The following SLC35A3 variants were observed in gnomAD, a reference collection of about 807,000 sequenced individuals.
SLC35A3 encodes UDP-N-acetylglucosamine transporter.
In SLC35A3, 26 loss-of-function variants were observed where a neutral mutation model predicts 39.0. The observed-to-expected ratio is 0.67, with a 90% CI of 0.49 to 0.92. SLC35A3 has a LOEUF of 0.92. Ranked by LOEUF, SLC35A3 falls within the 40% of genes least tolerant of loss-of-function variation. The probability of loss-of-function intolerance (pLI) is 0.00; values close to 1 mark genes in which losing one functional copy is unlikely to be tolerated. For missense variants in SLC35A3, 299 were observed against 371.6 expected (o/e 0.80, Z 1.61); for synonymous variants, 135 against 133.1 (o/e 1.01, Z -0.10).
intron 2 of SLC35A3, among the ~76,000 whole-genome samples, chr1:99,996,227 TATTGA>T (rs1227237133): frequency 6.6e-6 from 1 of 152,186 alleles, no homozygotes; most frequent in Non-Finnish European, 1.5e-5. Flanking sequence ...ATTTAGGGTA[TATTGA>T]ATTGAAAAAC....
rs770777490 is a variant in SLC35A3, at chr1:100,029,048, G to A, written c.*6572G>A. On this transcript the variant is annotated 3_prime_UTR_variant, in exon 8 of 8. Transcript: ENST00000533028. ...TACACACATAGTATTGCCATTCAGG[G>A]AAGCTCACCTAAGCTTTGGTGTCCA... 5 of 152,176 alleles carry A rather than the reference G, an allele frequency of 3.3e-5. No homozygotes were observed. The highest frequency in any genetic ancestry group is 4.1e-4 in the South Asian group (2 of 4,824). The allele number at this position is 152,176 out of a possible 1,614,324, so 9.4% of individuals were successfully genotyped here.
In SLC35A3 at chr1:99,993,728, C is replaced by A; in HGVS notation, c.174C>A (p.Val58=). Residue 58 remains valine, a synonymous_variant, in exon 2 of 8, where the codon GTC becomes GTA. Transcript: ENST00000533028. The stretch of plus-strand genomic sequence containing the variant: ...AGATAATGGCCTGCATTTTATTGGT[C>A]TACAAAGACAGCAGTAGGTATCTAG... ...LLKIMACILL[V]YKDSKCSLRA... is the part of the protein sequence containing the mutation. 1.2e-6 allele frequency: 2 copies of A among 1,613,590 alleles called. No homozygotes were observed. The highest frequency in any genetic ancestry group is 2.2e-5 in the South Asian group (2 of 90,956).
At chr1:100,003,103 C>T (rs1658930019) in intron 3 of SLC35A3, among the ~76,000 whole-genome samples, 1 of 151,800 alleles carries the variant, frequency 6.6e-6, no homozygotes, top group Non-Finnish European at 1.5e-5. Flanking sequence ...TGTTGTGTTT[C>T]AATTTATATT....
In SLC35A3 at chr1:100,030,860, TA is replaced by T. The variant is rs1318854912; in HGVS notation, c.*8387del. 1 of 152,210 alleles carries T rather than the reference TA, an allele frequency of 6.6e-6. No homozygotes were observed. Among genetic ancestry groups the T allele is most frequent in the East Asian group, 1.9e-4 (1 of 5,198 alleles). 9.4% of individuals were successfully genotyped at this position (152,210 alleles called of 1,614,324 possible). On this transcript the variant is annotated 3_prime_UTR_variant, in exon 8 of 8. Coordinates refer to ENST00000533028, the MANE Select transcript of SLC35A3 (RefSeq NM_012243.3). Reference sequence around the variant, plus strand: ...ATGCATGCTGCTTCAATAGGTCTTTTAAATATAGCCAAGGCAGGGTAATATT... The same window carrying T: ...ATGCATGCTGCTTCAATAGGTCTTTTAATATAGCCAAGGCAGGGTAATATT...
intron 1 of SLC35A3, among the ~76,000 whole-genome samples, chr1:99,989,886 C>T (rs1383755725): frequency 6.6e-6 from 1 of 152,078 alleles, no homozygotes; most frequent in African/African-American, 2.4e-5. Flanking sequence ...CTGCCTCAGC[C>T]TCTTGAATGC....
intron 1 of SLC35A3, among the ~76,000 whole-genome samples, chr1:99,990,802 T>G (rs1370328379): frequency 1.3e-5 from 2 of 152,146 alleles, no homozygotes; most frequent in Admixed American, 1.3e-4. Flanking sequence ...AAGTAGGGCC[T>G]TTGGGAGGTA....
At position 100,025,796 on chromosome 1, in the gene SLC35A3, C is replaced by A. The variant is rs934999234; in HGVS notation, c.*3320C>A. ...TTCCTATACTTTTTATTTGTTATCA[C>A]GCAACTACTTTGTTCAATGTGAAAA... On this transcript the variant is annotated 3_prime_UTR_variant, in exon 8 of 8. Coordinates refer to ENST00000533028, the MANE Select transcript of SLC35A3 (RefSeq NM_012243.3). 3 of 152,058 alleles carry A rather than the reference C, an allele frequency of 2.0e-5. No homozygotes were observed. The highest frequency in any genetic ancestry group is 1.3e-4 in the Admixed American group (2 of 15,264). 9.4% of individuals were successfully genotyped at this position (152,058 alleles called of 1,614,324 possible).
At chr1:99,970,763 A>G in intron 1 of SLC35A3, 1 of 655,912 alleles carries the variant, frequency 1.5e-6, no homozygotes, top group Non-Finnish European at 2.5e-6. Context: ...TCTTAAATGC[A>G]GTATTTGAAA....
chr1:100,001,022 A>G (rs1384920971), intron 3 of SLC35A3, among the ~76,000 whole-genome samples: 1 of 152,108 alleles, frequency 6.6e-6, no homozygotes, highest in Non-Finnish European at 1.5e-5. Context: ...GGCTGTAAAC[A>G]TGTAAATGTA....
intron 2 of SLC35A3, among the ~76,000 whole-genome samples, chr1:99,997,558 A>G (rs1658496665): frequency 6.9e-6 from 1 of 145,724 alleles, no homozygotes; most frequent in Non-Finnish European, 1.5e-5. Flanking sequence ...TATTATATAT[A>G]TTATATATTT....
chr1:99,989,360 T>C (rs1411079664), intron 1 of SLC35A3, among the ~76,000 whole-genome samples: 1 of 152,036 alleles, frequency 6.6e-6, no homozygotes, highest in African/African-American at 2.4e-5. Context: ...CTTGGCTCAC[T>C]GCAACCTCCA....
At chr1:99,976,800 G>T (rs74903979) in intron 1 of SLC35A3, among the ~76,000 whole-genome samples, 6,369 of 152,234 alleles carry the variant, frequency 0.042, 154 homozygotes, top group South Asian at 0.055. Context: ...AGACATTGAG[G>T]TCTATTTAAG....
At chr1:100,004,639 C>T (rs1281297174) in intron 3 of SLC35A3, among the ~76,000 whole-genome samples, 1 of 151,940 alleles carries the variant, frequency 6.6e-6, no homozygotes, top group African/African-American at 2.4e-5. Flanking sequence ...TCAGTTTTTC[C>T]TTATCTAGGA....
intron 7 of SLC35A3, among the ~76,000 whole-genome samples, chr1:100,021,091 T>C (rs1396482016): frequency 2.0e-5 from 3 of 152,188 alleles, no homozygotes; most frequent in South Asian, 2.1e-4. Context: ...TTTTAAAAAA[T>C]GTACACATTA....
intron 1 of SLC35A3, among the ~76,000 whole-genome samples, chr1:99,988,768 C>G (rs2101100002): frequency 1.3e-5 from 2 of 151,374 alleles, no homozygotes; most frequent in Middle Eastern, 3.4e-3. Context: ...TCTCCTCTCT[C>G]CTATACTCTT....
chr1:100,030,608 GTATT>G lies in SLC35A3; in HGVS notation c.*8135_*8138del, dbSNP rs1227542592. 6.6e-6 allele frequency: 1 copy of G among 152,162 alleles called. No individual in the cohort carries two copies. The highest frequency in any genetic ancestry group is 1.5e-5 in the Non-Finnish European group (1 of 68,044). 9.4% of individuals were successfully genotyped at this position (152,162 alleles called of 1,614,324 possible). On this transcript the variant is annotated 3_prime_UTR_variant, in exon 8 of 8. Coordinates refer to ENST00000533028, the MANE Select transcript of SLC35A3 (RefSeq NM_012243.3). Reference sequence around the variant, plus strand: ...TGGACACCCCAGCTTTAAATGTAGAGTATTTAAGAGGTTCAGTTAAATGTACTAA... The same window carrying G: ...TGGACACCCCAGCTTTAAATGTAGAGTAAGAGGTTCAGTTAAATGTACTAA...
intron 1 of SLC35A3, among the ~76,000 whole-genome samples, chr1:99,974,096 T>G (rs1273005029): frequency 6.6e-6 from 1 of 152,030 alleles, no homozygotes; most frequent in East Asian, 1.9e-4. Flanking sequence ...TTCCACAAAG[T>G]ATCTACATAG....
intron 7 of SLC35A3, among the ~76,000 whole-genome samples, chr1:100,020,115 A>C (rs1570629538): frequency 1.3e-5 from 2 of 152,330 alleles, no homozygotes; most frequent in East Asian, 3.9e-4. Context: ...TCAATGCAAC[A>C]ATGGAAGTAT....
At chr1:99,978,220 C>T (rs149479584) in intron 1 of SLC35A3, among the ~76,000 whole-genome samples, 141 of 152,288 alleles carry the variant, frequency 9.3e-4, no homozygotes, top group Non-Finnish European at 1.2e-3. Context: ...CCATACCTAG[C>T]TATGTTTTTT....
Sources: allele counts gnomAD v4.1 joint callset (sites outside exome capture counted in the v4.1 genomes callset), GRCh38; gene constraint gnomAD v4.1.1; transcripts MANE v1.5; gene names NCBI Gene and HGNC (gene_info 2026-07-23, HGNC 2026-07-21).